Variants in NMT2 observed in about 807,000 individuals in gnomAD.
NMT2 encodes the protein glycylpeptide N-tetradecanoyltransferase 2.
In NMT2, 35 loss-of-function variants were observed where a neutral mutation model predicts 65.4. The observed-to-expected ratio is 0.54, with a 90% CI of 0.41 to 0.71. The LOEUF (loss-of-function observed/expected upper bound fraction) is 0.71, where lower values mean the gene tolerates loss of function less well. Ranked by LOEUF, NMT2 falls within the 30% of genes least tolerant of loss-of-function variation. The pLI, the probability that NMT2 is intolerant of heterozygous loss-of-function variation, is 0.00. For missense variants in NMT2, 489 were observed against 611.3 expected (o/e 0.80, Z 2.11); for synonymous variants, 226 against 231.8 (o/e 0.98, Z 0.23).
intron 1 of NMT2, chr10:15,154,662 G>C (rs1832926896): frequency 2.4e-6 from 1 of 416,848 alleles, no homozygotes; most frequent in African/African-American, 2.0e-5. Flanking sequence ...AGGGGGCAAG[G>C]AAAACATGGA....
At chr10:15,138,365 A>C in intron 2 of NMT2, 1 of 471,138 alleles carries the variant, frequency 2.1e-6, no homozygotes, top group Non-Finnish European at 4.4e-6. Flanking sequence ...CCAAATCCAC[A>C]GGGACAAAGC....
At chr10:15,144,793 T>C (rs1245394789) in intron 1 of NMT2, among the ~76,000 whole-genome samples, 2 of 151,750 alleles carry the variant, frequency 1.3e-5, no homozygotes, top group East Asian at 3.9e-4. Context: ...CCTCATACAC[T>C]GTTGATGGGA....
At chr10:15,112,260 T>C (rs1052570027) in intron 10 of NMT2, among the ~76,000 whole-genome samples, 1 of 108,758 alleles carries the variant, frequency 9.2e-6, no homozygotes, top group Non-Finnish European at 1.8e-5. Context: ...TTGAGACAGT[T>C]TCTGTCACCC....
At chr10:15,158,176 C>A (rs1156542834) in intron 1 of NMT2, among the ~76,000 whole-genome samples, 1 of 152,108 alleles carries the variant, frequency 6.6e-6, no homozygotes, top group East Asian at 1.9e-4. Flanking sequence ...ATTAGCCGGG[C>A]ATGGTGGCAG....
At chr10:15,136,891 A>G (rs1000960795) in intron 2 of NMT2, among the ~76,000 whole-genome samples, 2 of 151,814 alleles carry the variant, frequency 1.3e-5, no homozygotes, top group Non-Finnish European at 2.9e-5. Flanking sequence ...ACTACTTGAA[A>G]TGAGAAGACA....
chr10:15,164,183 A>C (rs80286990), intron 1 of NMT2, among the ~76,000 whole-genome samples: 72 of 47,214 alleles, frequency 1.5e-3, no homozygotes, highest in African/African-American at 0.014. Context: ...AATTGGTCTC[A>C]AAAAAAAAAA....
chr10:15,146,095 C>T (rs1053961985), intron 1 of NMT2, among the ~76,000 whole-genome samples: 1 of 152,188 alleles, frequency 6.6e-6, no homozygotes, highest in African/African-American at 2.4e-5. Flanking sequence ...TTCAAGAACT[C>T]AAGTCCCACC....
chr10:15,109,013 A>G lies in NMT2; in HGVS notation c.*182T>C. 1 of 1,393,210 alleles carries G rather than the reference A, an allele frequency of 7.2e-7. No individual in the cohort carries two copies. The highest frequency in any genetic ancestry group is 9.3e-7 in the Non-Finnish European group (1 of 1,078,842). 86.3% of individuals were successfully genotyped at this position (1,393,210 alleles called of 1,614,324 possible). On this transcript the variant is annotated 3_prime_UTR_variant, in exon 12 of 12. Transcript: ENST00000378165. ...TAGGTCAACAGTAAAAAAAGGATGA[A>G]GTTTAACATTCTAGCTAGAAACGTA... is the stretch of plus-strand genomic sequence containing the variant.
intron 1 of NMT2, among the ~76,000 whole-genome samples, chr10:15,164,100 G>A (rs1345059690): frequency 2.0e-5 from 3 of 150,306 alleles, no homozygotes; most frequent in African/African-American, 4.9e-5. Context: ...AGAGAATGGC[G>A]TGAACCTGGG....
At chr10:15,162,429 A>G (rs2131636288) in intron 1 of NMT2, among the ~76,000 whole-genome samples, 1 of 152,310 alleles carries the variant, frequency 6.6e-6, no homozygotes, top group African/African-American at 2.4e-5. Flanking sequence ...GATAGCCACT[A>G]GTCACATGGA....
At chr10:15,167,846 C>G (rs1833425722) in intron 1 of NMT2, among the ~76,000 whole-genome samples, 2 of 152,178 alleles carry the variant, frequency 1.3e-5, no homozygotes, top group African/African-American at 4.8e-5. Flanking sequence ...AGCGGGAGCC[C>G]GGTTCAGGGG....
At chr10:15,123,531 GAAAAAAAAAAAAAAAA>G (rs775699014) in intron 8 of NMT2, among the ~76,000 whole-genome samples, 1 of 52,532 alleles carries the variant, frequency 1.9e-5, no homozygotes, top group Non-Finnish European at 3.8e-5. Context: ...TCGTCTCACA[GAAAAAAAAAAAAAAAA>G]AAAAAAAAGA....
chr10:15,136,608 T>C (rs1021115548), intron 2 of NMT2, among the ~76,000 whole-genome samples: 1 of 152,114 alleles, frequency 6.6e-6, no homozygotes, highest in Non-Finnish European at 1.5e-5. Context: ...CCTGCCCTTC[T>C]CCTGACCCTC....
chr10:15,125,639 T>C (rs138833325), intron 8 of NMT2, among the ~76,000 whole-genome samples: 10 of 152,272 alleles, frequency 6.6e-5, no homozygotes, highest in Middle Eastern at 3.4e-3. Flanking sequence ...TGTATGTATG[T>C]ATGTATGTAT....
chr10:15,115,711 C>T (rs1379285307), intron 9 of NMT2, among the ~76,000 whole-genome samples: 1 of 152,104 alleles, frequency 6.6e-6, no homozygotes, highest in Non-Finnish European at 1.5e-5. Context: ...AAACTCACTT[C>T]AAATTCAATA....
chr10:15,168,474 C>A (rs1833453254), intron 1 of NMT2, 29 bp downstream of exon 1: 5 of 1,542,910 alleles, frequency 3.2e-6, no homozygotes, highest in Non-Finnish European at 4.4e-6. Flanking sequence ...CGCCCTGTCG[C>A]GCCCGGTGCG....
intron 3 of NMT2, among the ~76,000 whole-genome samples, chr10:15,134,229 T>C (rs1846390932): frequency 6.6e-6 from 1 of 152,170 alleles, no homozygotes; most frequent in Admixed American, 6.5e-5. Context: ...TTCCAAGTCC[T>C]TCTCTGCAGA....
chr10:15,111,509 CAAA>C (rs58537120), intron 10 of NMT2, among the ~76,000 whole-genome samples: 2 of 52,810 alleles, frequency 3.8e-5, no homozygotes, highest in Admixed American at 2.2e-4. Flanking sequence ...AGACTCATCT[CAAA>C]AAAAAAAAAA....
intron 8 of NMT2, among the ~76,000 whole-genome samples, chr10:15,126,589 G>A (rs1341189880): frequency 6.6e-6 from 1 of 152,138 alleles, no homozygotes; most frequent in African/African-American, 2.4e-5. Context: ...CTACCCTATG[G>A]AGAATCCAAC....
Sources: allele counts gnomAD v4.1 joint callset (sites outside exome capture counted in the v4.1 genomes callset), GRCh38; gene constraint gnomAD v4.1.1; transcripts MANE v1.5; gene names NCBI Gene and HGNC (gene_info 2026-07-23, HGNC 2026-07-21).